DLG1: variants seen among roughly 807,000 people sequenced by gnomAD.
DLG1 encodes disks large homolog 1.
Under a neutral mutation model 123.4 loss-of-function variants are expected in DLG1, and 42 were observed. That is an observed-to-expected ratio of 0.34 (90% CI 0.27 to 0.44). DLG1 has a LOEUF of 0.44. Among genes scored for constraint, DLG1 ranks in the 20% least tolerant of loss-of-function variants. The probability of loss-of-function intolerance (pLI) is 1.00; values close to 1 mark genes in which losing one functional copy is unlikely to be tolerated. For synonymous variants in DLG1, 317 were observed against 356.2 expected, an observed-to-expected ratio of 0.89 and a Z score of 1.24; for missense variants, 942 against 1,082.6, an observed-to-expected ratio of 0.87 and a Z score of 1.82.
rs377659446 is a variant in DLG1 at position 197,119,819 on chromosome 3, GAAT to G, written c.1166-292_1166-290del. 4.7e-4 allele frequency among the ~76,000 whole-genome samples: 71 copies of G among 152,248 alleles called. 1 individual carries two copies. The East Asian group carries it at 0.011, about 24-fold the overall frequency. On this transcript the variant is annotated intron_variant, in intron 11 of 24. Coordinates refer to ENST00000667157, the MANE Select transcript of DLG1 (RefSeq NM_001366207.1). ...TTATATACAGTCCAAATTTGATTGT[GAAT>G]AATAAAAATCAGAGGCTTTCCAATA...
chr3:197,137,852 G>GTT, intron 9 of DLG1, among the ~76,000 whole-genome samples: 1 of 151,864 alleles, frequency 6.6e-6, no homozygotes, highest in South Asian at 2.1e-4. Context: ...TGTGCATGCA[G>GTT]TCCAAGCTAC....
At chr3:197,187,649 C>T (rs1716871740) in intron 5 of DLG1, among the ~76,000 whole-genome samples, 1 of 152,160 alleles carries the variant, frequency 6.6e-6, no homozygotes, top group South Asian at 2.1e-4. Context: ...CCCATACACT[C>T]AATAATACTC....
intron 5 of DLG1, chr3:197,183,810 T>G: frequency 6.5e-7 from 1 of 1,548,404 alleles, no homozygotes; most frequent in Non-Finnish European, 8.7e-7. Context: ...GTAATTCATC[T>G]CTGCAGCCCT....
Position 197,296,653 on chromosome 3 carries a change from A to G in DLG1, c.20-176T>C, listed in dbSNP as rs114577277. The G allele has an allele frequency of 2.2e-3, 1,096 of 501,638 alleles. 7 individuals are homozygous for G. Among genetic ancestry groups the G allele is most frequent in the African/African-American group, 0.016 (853 of 51,752 alleles). The allele number at this position is 501,638 out of a possible 1,614,324, so 31.1% of individuals were successfully genotyped here. ...GAATGACCAAAAAATAAAAAAAAAA[A>G]TTAAAGAAATACAAGAAAAATTTAA... On this transcript the variant is annotated intron_variant, in intron 2 of 24. Coordinates refer to ENST00000667157, the MANE Select transcript of DLG1 (RefSeq NM_001366207.1).
At chr3:197,093,995 T>A (rs1209645489) in intron 14 of DLG1, among the ~76,000 whole-genome samples, 1 of 152,152 alleles carries the variant, frequency 6.6e-6, no homozygotes, top group Admixed American at 6.5e-5. Flanking sequence ...TTTTGCCTGG[T>A]TCTTCTGTAA....
chr3:197,168,697 T>C (rs978002621), intron 5 of DLG1, among the ~76,000 whole-genome samples: 1 of 152,254 alleles, frequency 6.6e-6, no homozygotes, highest in Non-Finnish European at 1.5e-5. Flanking sequence ...CAGTGACTGT[T>C]ATGCCATCAT....
chr3:197,219,580 T>C (rs1040201692), intron 4 of DLG1, among the ~76,000 whole-genome samples: 1 of 152,160 alleles, frequency 6.6e-6, no homozygotes, highest in Non-Finnish European at 1.5e-5. Flanking sequence ...AAAATTCACA[T>C]ACTGAAGTCC....
chr3:197,231,823 T>C (rs569341914), intron 4 of DLG1, among the ~76,000 whole-genome samples: 2 of 152,296 alleles, frequency 1.3e-5, no homozygotes, highest in South Asian at 2.1e-4. Flanking sequence ...TGCAGTAACA[T>C]TCACTCTTGA....
intron 4 of DLG1, among the ~76,000 whole-genome samples, chr3:197,256,630 G>C (rs1291238920): frequency 6.6e-6 from 1 of 152,128 alleles, no homozygotes; most frequent in Non-Finnish European, 1.5e-5. Context: ...TAAAACATAA[G>C]TTTCAGAAGT....
chr3:197,293,171 T>G, intron 3 of DLG1, among the ~76,000 whole-genome samples: 1 of 152,230 alleles, frequency 6.6e-6, no homozygotes, highest in Admixed American at 6.5e-5. Context: ...AGACTTTATC[T>G]TCCTTTATAC....
At chr3:197,221,388 C>T (rs559726503) in intron 4 of DLG1, among the ~76,000 whole-genome samples, 78 of 152,120 alleles carry the variant, frequency 5.1e-4, no homozygotes, top group Admixed American at 1.9e-3. Flanking sequence ...AGTGTGGTGG[C>T]GGGCGCCTGT....
intron 4 of DLG1, among the ~76,000 whole-genome samples, chr3:197,269,829 T>A (rs1763185143): frequency 6.6e-6 from 1 of 152,194 alleles, no homozygotes; most frequent in Non-Finnish European, 1.5e-5. Context: ...AAAAATAAGG[T>A]TATTATTTTA....
rs377623087 is a variant in DLG1 at position 197,065,255 on chromosome 3, T to C, written c.2373+21A>G. On this transcript the variant is annotated intron_variant, in intron 22 of 24. Coordinates refer to ENST00000667157, the MANE Select transcript of DLG1 (RefSeq NM_001366207.1). ...GCATATCTGATTAGAAGCTATATTC[T>C]GGGATTAGTCTGATGCTTACCTTTT... The C allele has an allele frequency of 8.2e-6, 13 of 1,581,430 alleles. No individual in the cohort carries two copies. In the African/African-American group the frequency reaches 1.8e-4, roughly 22 times the overall value.
At chr3:197,156,900 G>C (rs1796641690) in intron 5 of DLG1, among the ~76,000 whole-genome samples, 1 of 152,160 alleles carries the variant, frequency 6.6e-6, no homozygotes, top group Admixed American at 6.5e-5. Flanking sequence ...CCAGACATAT[G>C]ATAAGTAAGG....
intron 6 of DLG1, among the ~76,000 whole-genome samples, chr3:197,147,432 G>GCACACACACACACACACA: frequency 6.8e-6 from 1 of 147,086 alleles, no homozygotes; most frequent in Non-Finnish European, 1.5e-5. Flanking sequence ...TATATGGTGT[G>GCACACACACACACACACA]CACACACACA....
chr3:197,173,625 C>T (rs1053517755), intron 5 of DLG1, among the ~76,000 whole-genome samples: 20 of 152,064 alleles, frequency 1.3e-4, no homozygotes, highest in African/African-American at 4.8e-4. Context: ...TATATATTAC[C>T]TGTAAAAAGA....
intron 17 of DLG1, among the ~76,000 whole-genome samples, chr3:197,080,081 T>C (rs1749895302): frequency 1.3e-5 from 2 of 151,696 alleles, no homozygotes; most frequent in South Asian, 4.2e-4. Context: ...CCAGGCTTAC[T>C]GCTAGAATAT....
intron 14 of DLG1, among the ~76,000 whole-genome samples, chr3:197,096,346 T>C (rs1248784702): frequency 6.6e-6 from 1 of 152,228 alleles, no homozygotes; most frequent in Non-Finnish European, 1.5e-5. Flanking sequence ...AATCTGAATT[T>C]GAACAGCCAT....
chr3:197,298,370 C>G, intron 1 of DLG1, 166 bp downstream of exon 1: 1 of 397,586 alleles, frequency 2.5e-6, no homozygotes, highest in Middle Eastern at 6.3e-4. Context: ...AGTTAACACT[C>G]GGACTCCACA....
Sources: gnomAD v4.1 joint callset for allele counts (sites outside exome capture counted in the v4.1 genomes callset) on GRCh38, gnomAD v4.1.1 for gene constraint, MANE v1.5 for transcripts, NCBI Gene and HGNC (gene_info 2026-07-23, HGNC 2026-07-21) for gene names.